MYOZ1: variants seen among roughly 807,000 people sequenced by gnomAD.
The protein encoded by MYOZ1 is myozenin-1.
MYOZ1 carries 20 observed loss-of-function variants against 28.7 expected under a neutral mutation model. The ratio of observed to expected loss-of-function variants is 0.70; its 90% CI spans 0.49 to 1.01. The LOEUF (loss-of-function observed/expected upper bound fraction) is 1.01, where lower values mean the gene tolerates loss of function less well. Among genes scored for constraint, MYOZ1 ranks in the 50% least tolerant of loss-of-function variants. The probability of loss-of-function intolerance (pLI) is 0.00; values close to 1 mark genes in which losing one functional copy is unlikely to be tolerated. For missense variants in MYOZ1, 371 were observed against 372.4 expected (o/e 1.00, Z 0.03); for synonymous variants, 144 against 145.8 (o/e 0.99, Z 0.09).
chr10:73,640,838 G>A (rs1296565239), intron 1 of MYOZ1, among the ~76,000 whole-genome samples: 1 of 152,154 alleles, frequency 6.6e-6, no homozygotes, highest in Non-Finnish European at 1.5e-5. Context: ...ATAGGAAGGA[G>A]AGGTTGTTGC....
intron 5 of MYOZ1, among the ~76,000 whole-genome samples, chr10:73,632,969 GC>G (rs1261259510): frequency 6.6e-6 from 1 of 152,002 alleles, no homozygotes; most frequent in Non-Finnish European, 1.5e-5. Flanking sequence ...GGCTAGAGAA[GC>G]CTAATTCCAA....
chr10:73,634,382 T>C (rs1158677648), intron 4 of MYOZ1, 102 bp downstream of exon 4: 2 of 1,389,110 alleles, frequency 1.4e-6, no homozygotes, highest in Admixed American at 2.4e-5. Flanking sequence ...ATTAAGATAT[T>C]TAAACTGACC....
intron 2 of MYOZ1, 58 bp from the exon 3 acceptor site, chr10:73,637,980 C>A: frequency 6.5e-7 from 1 of 1,530,150 alleles, no homozygotes. Context: ...GTTTTCTGGG[C>A]TCAGAATGCA....
At chr10:73,641,036 T>A (rs574507584) in intron 1 of MYOZ1, among the ~76,000 whole-genome samples, 2 of 152,240 alleles carry the variant, frequency 1.3e-5, no homozygotes, top group Admixed American at 1.3e-4. Flanking sequence ...AACATAGTAA[T>A]AGGATCTGGC....
rs551478601 is a variant in MYOZ1, at chr10:73,636,524, C to T, written c.252+1220G>A. On this transcript the variant is annotated intron_variant, in intron 3 of 5. Coordinates refer to ENST00000359322, the MANE Select transcript of MYOZ1 (RefSeq NM_021245.4). ...GGAGTGCAGTGGTGTGAACATGGCTCATGTTCATGCATCCTCTACCTTCCA... is the reference window on the plus strand; with the variant it reads ...GGAGTGCAGTGGTGTGAACATGGCTTATGTTCATGCATCCTCTACCTTCCA... Among the ~76,000 whole-genome samples the T allele has an allele frequency of 2.0e-5, 3 of 151,972 alleles. No individual in the cohort carries two copies. In the East Asian group the frequency reaches 5.8e-4, roughly 29 times the overall value.
chr10:73,636,615 C>A (rs889904007), intron 3 of MYOZ1, among the ~76,000 whole-genome samples: 28 of 152,102 alleles, frequency 1.8e-4, no homozygotes, highest in African/African-American at 6.7e-4. Context: ...GCCACCAGAC[C>A]CAGCTAACTT....
intron 4 of MYOZ1, 74 bp from the exon 5 acceptor site, chr10:73,634,139 T>C (rs2081652771): frequency 1.3e-6 from 2 of 1,534,590 alleles, no homozygotes; most frequent in Non-Finnish European, 1.8e-6. Flanking sequence ...CCCACGCCCC[T>C]ACACTAGGGA....
At chr10:73,638,221 G>A (rs1484358952) in intron 2 of MYOZ1, among the ~76,000 whole-genome samples, 2 of 151,706 alleles carry the variant, frequency 1.3e-5, no homozygotes, top group Non-Finnish European at 2.9e-5. Flanking sequence ...CATAGATGGA[G>A]GCCATTGGAG....
chr10:73,638,729 C>T (rs545412205), intron 2 of MYOZ1, among the ~76,000 whole-genome samples: 7 of 151,566 alleles, frequency 4.6e-5, no homozygotes, highest in Admixed American at 3.9e-4. Context: ...TGCAATGGCG[C>T]GATTGCAGCT....
chr10:73,638,006 T>A, intron 2 of MYOZ1, 84 bp from the exon 3 acceptor site: 1 of 1,263,888 alleles, frequency 7.9e-7, no homozygotes, highest in Non-Finnish European at 1.1e-6. Flanking sequence ...CATCCACAAC[T>A]AAGTGTGTAT....
rs1395867957 is a variant in MYOZ1, at chr10:73,632,066, A to G, written c.764T>C (p.Leu255Pro). The change falls in exon 6 of 6, where the codon CTG becomes CCG. Residue 255 changes from leucine to proline, a missense_variant. Transcript: ENST00000359322. ...FDLGPLLSEP[L>P]VLYNQNLSNR... ...GGAGAGGTTTTGGTTGTAGAGGACC[A>G]GGGGTTCACTCAGCAAGGGCCCCAG... The G allele has an allele frequency of 6.2e-7, 1 of 1,614,194 alleles. No individual in the cohort carries two copies. Among genetic ancestry groups the G allele is most frequent in the African/African-American group, 1.3e-5 (1 of 75,054 alleles).
intron 1 of MYOZ1, among the ~76,000 whole-genome samples, chr10:73,641,162 C>T (rs895090343): frequency 6.6e-6 from 1 of 152,324 alleles, no homozygotes; most frequent in Middle Eastern, 3.4e-3. Context: ...ATCTGCAACT[C>T]TACTGACTTA....
Position 73,633,844 on chromosome 10 carries a change from T to C in MYOZ1, c.668+56A>G, listed in dbSNP as rs2081650359. 3.3e-6 allele frequency: 5 copies of C among 1,526,862 alleles called. No homozygotes were observed. The South Asian group carries it at 5.1e-5, about 16-fold the overall frequency. 94.6% of individuals were successfully genotyped at this position (1,526,862 alleles called of 1,614,324 possible). Reference sequence around the variant, plus strand: ...CATTTGAATTAGTCTCCATCCTAACTAAAGACACAGTGCCTCACACTAGAA... The same window carrying C: ...CATTTGAATTAGTCTCCATCCTAACCAAAGACACAGTGCCTCACACTAGAA... On this transcript the variant is annotated intron_variant, in intron 5 of 5. Transcript: ENST00000359322.
chr10:73,640,052 G>A lies in MYOZ1; in HGVS notation c.-18-17C>T, dbSNP rs377101911. ...GGATTCAGCCTGGACAGGGTGGGAAGGAGGAGTTGGTGGATGGACAGGGAC... is the reference window on the plus strand; with the variant it reads ...GGATTCAGCCTGGACAGGGTGGGAAAGAGGAGTTGGTGGATGGACAGGGAC... On this transcript the variant is annotated splice_polypyrimidine_tract_variant and intron_variant, in intron 1 of 5. Transcript: ENST00000359322. 1.7e-4 allele frequency: 278 copies of A among 1,601,108 alleles called. No homozygotes were observed. The highest frequency in any genetic ancestry group is 1.8e-4 in the Middle Eastern group (1 of 5,604).
chr10:73,638,668 T>TTATTTATGTATTTATG (rs1554958193), intron 2 of MYOZ1, among the ~76,000 whole-genome samples: 4 of 147,434 alleles, frequency 2.7e-5, no homozygotes, highest in African/African-American at 1.0e-4. Flanking sequence ...ATTTATTTAT[T>TTATTTATGTATTTATG]TATTTATTTA....
Position 73,634,612 on chromosome 10 carries a change from C to T in MYOZ1, c.374G>A (p.Gly125Glu). 1.2e-6 allele frequency: 2 copies of T among 1,614,168 alleles called. No individual in the cohort carries two copies. Among genetic ancestry groups the T allele is most frequent in the East Asian group, 2.2e-5 (1 of 44,866 alleles). ...GTGCTGCTGATCAGAGCCATACTGTCCGGCAGAGCCACTGCCCCCTGCCTG... is the reference window on the plus strand; with the variant it reads ...GTGCTGCTGATCAGAGCCATACTGTTCGGCAGAGCCACTGCCCCCTGCCTG... ...GSQAGGSGSAGQYGSDQQHHL... is the reference protein window; with the variant it reads ...GSQAGGSGSAEQYGSDQQHHL... The change falls in exon 4 of 6, where the codon GGA (glycine) becomes GAA (glutamate). Residue 125 changes from glycine to glutamate, a missense_variant. Gly to Glu is a moderately conservative substitution (Grantham distance 98). Coordinates refer to ENST00000359322, the MANE Select transcript of MYOZ1 (RefSeq NM_021245.4).
At position 73,631,831 on chromosome 10, in the gene MYOZ1, TA is replaced by T; in HGVS notation, c.*98del. On this transcript the variant is annotated 3_prime_UTR_variant, in exon 6 of 6. Coordinates refer to ENST00000359322, the MANE Select transcript of MYOZ1 (RefSeq NM_021245.4). ...TCTCTCCTTTTTCCCTCCATTCCCA[TA>T]AGGATACTGGATTAACAATGGGGGC... 1 of 1,057,092 alleles carries T rather than the reference TA, an allele frequency of 9.5e-7. No homozygotes were observed. Among genetic ancestry groups the T allele is most frequent in the Non-Finnish European group, 1.4e-6 (1 of 708,568 alleles). The allele number at this position is 1,057,092 out of a possible 1,614,324, so 65.5% of individuals were successfully genotyped here. A position where few individuals can be genotyped will look rare whatever the true frequency, so the allele number is the denominator to read the frequency against.
chr10:73,634,831 A>G, intron 3 of MYOZ1, 98 bp from the exon 4 acceptor site: 1 of 1,433,394 alleles, frequency 7.0e-7, no homozygotes, highest in Non-Finnish European at 9.4e-7. Context: ...GTGGCTAACC[A>G]GAAGACCCTG....
chr10:73,634,681 C>T lies in MYOZ1; in HGVS notation c.305G>A (p.Gly102Asp), dbSNP rs746286638. ...PTVGGQLGTA[G>D]QGFSYSKSNG... The stretch of plus-strand genomic sequence containing the variant: ...GCTCTTGCTGTATGAGAATCCCTGA[C>T]CAGCTGTGCCCAGCTGTCCCCCCAC... The change falls in exon 4 of 6, where the codon GGT becomes GAT. Residue 102 changes from glycine (G) to aspartate (D), a missense_variant. Gly to Asp is a moderately conservative substitution (Grantham distance 94). Coordinates refer to ENST00000359322, the MANE Select transcript of MYOZ1 (RefSeq NM_021245.4). 3 of 1,614,102 alleles carry T rather than the reference C, an allele frequency of 1.9e-6. No homozygotes were observed. The highest frequency in any genetic ancestry group is 4.5e-5 in the East Asian group (2 of 44,902).
Sources: allele counts gnomAD v4.1 joint callset (sites outside exome capture counted in the v4.1 genomes callset), GRCh38; gene constraint gnomAD v4.1.1; transcripts MANE v1.5; gene names NCBI Gene and HGNC (gene_info 2026-07-23, HGNC 2026-07-21).